The following LMBR1 variants were observed in gnomAD, a reference collection of about 807,000 sequenced individuals.
The protein encoded by LMBR1 is limb region 1 protein homolog.
In LMBR1, 52 loss-of-function variants were observed where a neutral mutation model predicts 73.9. The ratio of observed to expected loss-of-function variants is 0.70; its 90% CI spans 0.56 to 0.89. The LOEUF (loss-of-function observed/expected upper bound fraction) is 0.89. Among genes scored for constraint, LMBR1 ranks in the 40% least tolerant of loss-of-function variants. LMBR1 has a pLI of 0.00. For missense variants in LMBR1, 539 were observed against 579.8 expected (o/e 0.93, Z 0.72); for synonymous variants, 215 against 209.4 (o/e 1.03, Z -0.23).
intron 2 of LMBR1, among the ~76,000 whole-genome samples, chr7:156,835,938 C>T (rs1346300314): frequency 2.0e-5 from 3 of 152,168 alleles, no homozygotes; most frequent in African/African-American, 7.2e-5. Flanking sequence ...TCTGTGTCTA[C>T]AGTTCATGAA....
chr7:156,807,475 G>A (rs1385575744), intron 4 of LMBR1, among the ~76,000 whole-genome samples: 1 of 152,178 alleles, frequency 6.6e-6, no homozygotes, highest in Non-Finnish European at 1.5e-5. Flanking sequence ...GGATAAAGGT[G>A]TTCATAATAT....
intron 15 of LMBR1, among the ~76,000 whole-genome samples, chr7:156,699,858 T>C (rs1809236878): frequency 6.6e-6 from 1 of 152,172 alleles, no homozygotes; most frequent in Non-Finnish European, 1.5e-5. Flanking sequence ...TGAGACACCA[T>C]CTCACACCAG....
downstream of LMBR1, among the ~76,000 whole-genome samples, chr7:156,674,003 C>A (rs1002235256): frequency 6.6e-6 from 1 of 150,442 alleles, no homozygotes; most frequent in African/African-American, 2.5e-5. Flanking sequence ...TGCATTTTCC[C>A]CATCACATAT....
chr7:156,856,959 T>C (rs1365920677), intron 1 of LMBR1, among the ~76,000 whole-genome samples: 1 of 152,100 alleles, frequency 6.6e-6, no homozygotes, highest in Admixed American at 6.6e-5. Context: ...TGAAGGTAGA[T>C]TACTTGCAAA....
At chr7:156,714,903 A>G (rs1428809676) in intron 15 of LMBR1, among the ~76,000 whole-genome samples, 1 of 152,154 alleles carries the variant, frequency 6.6e-6, no homozygotes, top group African/African-American at 2.4e-5. Context: ...AAGAGGACAA[A>G]TATTTACTGA....
intron 1 of LMBR1, among the ~76,000 whole-genome samples, chr7:156,884,378 C>T (rs567358201): frequency 6.6e-6 from 1 of 152,044 alleles, no homozygotes; most frequent in Non-Finnish European, 1.5e-5. Context: ...TCTGTAATCA[C>T]TCCTGAACAC....
chr7:156,759,731 T>C (rs1822616235), intron 8 of LMBR1, among the ~76,000 whole-genome samples: 1 of 152,198 alleles, frequency 6.6e-6, no homozygotes, highest in Admixed American at 6.5e-5. Flanking sequence ...AACATAAATT[T>C]AATTTTCTCA....
At chr7:156,729,722 C>T (rs527732179) in intron 10 of LMBR1, among the ~76,000 whole-genome samples, 4 of 152,280 alleles carry the variant, frequency 2.6e-5, no homozygotes, top group African/African-American at 9.6e-5. Flanking sequence ...ATCCACCCAC[C>T]TCGGCCTCCC....
At chr7:156,864,779 C>T (rs1238492452) in intron 1 of LMBR1, among the ~76,000 whole-genome samples, 3 of 151,928 alleles carry the variant, frequency 2.0e-5, no homozygotes, top group South Asian at 4.1e-4. Context: ...GGGTGGATCA[C>T]GAGGTCAAGA....
intron 15 of LMBR1, among the ~76,000 whole-genome samples, chr7:156,702,860 G>T (rs1373133976): frequency 6.6e-6 from 1 of 152,204 alleles, no homozygotes; most frequent in African/African-American, 2.4e-5. Flanking sequence ...AAGCAACCAA[G>T]ATGTCTTTCA....
At chr7:156,786,064 T>A (rs915242649) in intron 5 of LMBR1, among the ~76,000 whole-genome samples, 1 of 150,640 alleles carries the variant, frequency 6.6e-6, no homozygotes, top group African/African-American at 2.4e-5. Context: ...ATCAAATCTA[T>A]GGGAAAATGT....
At chr7:156,718,702 A>AC (rs1196227058) in intron 15 of LMBR1, among the ~76,000 whole-genome samples, 1 of 152,162 alleles carries the variant, frequency 6.6e-6, no homozygotes, top group Non-Finnish European at 1.5e-5. Context: ...GTGCCACTGC[A>AC]CTCCAGCTTG....
At chr7:156,807,446 C>T (rs1182028393) in intron 4 of LMBR1, among the ~76,000 whole-genome samples, 1 of 152,188 alleles carries the variant, frequency 6.6e-6, no homozygotes, top group African/African-American at 2.4e-5. Context: ...GTCCATTTCT[C>T]TAAGTTGTTG....
At chr7:156,877,166 A>G (rs892866979) in intron 1 of LMBR1, among the ~76,000 whole-genome samples, 1 of 152,162 alleles carries the variant, frequency 6.6e-6, no homozygotes, top group African/African-American at 2.4e-5. Context: ...AGAGATGAAT[A>G]AATTCCTGGA....
At chr7:156,768,298 G>A (rs1276634810) in intron 5 of LMBR1, among the ~76,000 whole-genome samples, 2 of 151,716 alleles carry the variant, frequency 1.3e-5, no homozygotes, top group African/African-American at 2.4e-5. Context: ...CGGAGGTTGC[G>A]TTGCAGTGAG....
intron 5 of LMBR1, among the ~76,000 whole-genome samples, chr7:156,769,285 T>C (rs945058896): frequency 8.5e-5 from 13 of 152,156 alleles, no homozygotes; most frequent in African/African-American, 2.7e-4. Context: ...ACACCCATAA[T>C]GCCTTCTGAC....
At chr7:156,866,065 C>CA (rs74275049) in intron 1 of LMBR1, among the ~76,000 whole-genome samples, 6,664 of 96,260 alleles carry the variant, frequency 0.069, 173 homozygotes, top group South Asian at 0.12. Flanking sequence ...TCTCAAAAGA[C>CA]AAAAAAAAAA....
chr7:156,711,714 G>A (rs1812116960), intron 15 of LMBR1, among the ~76,000 whole-genome samples: 2 of 152,126 alleles, frequency 1.3e-5, no homozygotes, highest in Non-Finnish European at 2.9e-5. Context: ...ACAGCCAGCT[G>A]ATCTTTGACA....
chr7:156,750,260 A>T (rs1462514089), intron 9 of LMBR1, among the ~76,000 whole-genome samples: 2 of 151,824 alleles, frequency 1.3e-5, no homozygotes, highest in East Asian at 3.9e-4. Flanking sequence ...GCATTACTTA[A>T]ACATTTAAAC....
Sources: gnomAD v4.1 joint callset for allele counts (sites outside exome capture counted in the v4.1 genomes callset) on GRCh38, gnomAD v4.1.1 for gene constraint, MANE v1.5 for transcripts, NCBI Gene and HGNC (gene_info 2026-07-23, HGNC 2026-07-21) for gene names.